The following NCF2 variants were observed in gnomAD, a reference collection of about 807,000 sequenced individuals.
NCF2 encodes the protein neutrophil cytosol factor 2.
A neutral mutation model predicts 70.9 loss-of-function variants in NCF2; 45 were observed. That is an observed-to-expected ratio of 0.63 (90% confidence interval 0.50 to 0.81). The LOEUF (loss-of-function observed/expected upper bound fraction) is 0.81, where lower values mean the gene tolerates loss of function less well. Ranked by LOEUF, NCF2 falls within the 40% of genes least tolerant of loss-of-function variation. NCF2 has a pLI of 0.00. For synonymous variants in NCF2, 203 were observed against 233.6 expected (o/e 0.87, Z 1.19); for missense variants, 522 against 631.6 (o/e 0.83, Z 1.86).
chr1:183,583,949 T>C (rs1399967006), intron 2 of NCF2, among the ~76,000 whole-genome samples: 1 of 152,104 alleles, frequency 6.6e-6, no homozygotes, highest in African/African-American at 2.4e-5. Context: ...GGAAAATCAG[T>C]TTGGAAGTGA....
In NCF2 at chr1:183,574,524, C is replaced by T. The variant is rs1330695554; in HGVS notation, c.464G>A (p.Arg155Lys). The change falls in exon 4 of 15, where the codon AGA becomes AAA. Residue 155 changes from arginine (R) to lysine (K), a missense_variant. Physicochemically the swap from Arg to Lys is conservative, Grantham distance 26. Transcript: ENST00000367535. ...CATCGCCTTGTCGATTTTGGAATGT[C>T]TGGGCTCAGACTTCATGCTCGTGGC... ...ALATSMKSEP[R>K]HSKIDKAMEC... 1 of 1,614,112 alleles carries T rather than the reference C, an allele frequency of 6.2e-7. No individual in the cohort carries two copies. The highest frequency in any genetic ancestry group is 1.7e-5 in the Admixed American group (1 of 60,002).
At chr1:183,562,825 A>AAG (rs1672126528) in intron 13 of NCF2, among the ~76,000 whole-genome samples, 1 of 146,144 alleles carries the variant, frequency 6.8e-6, no homozygotes, top group African/African-American at 2.5e-5. Context: ...CTCCATCTCA[A>AAG]AAAAAAAAAA....
At chr1:183,579,362 G>A (rs560601370) in intron 2 of NCF2, among the ~76,000 whole-genome samples, 4 of 152,236 alleles carry the variant, frequency 2.6e-5, no homozygotes, top group South Asian at 2.1e-4. Flanking sequence ...TCTTGGCTCC[G>A]TCACTTACTA....
Position 183,565,672 on chromosome 1 carries a change from C to G in NCF2, c.1000+32G>C, listed in dbSNP as rs968436402. ...AAGCAGCCTGGCATGCTGCTGCACC[C>G]AGACCTAGGCTGTGGCTCCAGGACC... On this transcript the variant is annotated intron_variant, in intron 10 of 14. Coordinates refer to ENST00000367535, the MANE Select transcript of NCF2 (RefSeq NM_000433.4). The G allele has an allele frequency of 3.7e-6, 6 of 1,606,168 alleles. No individual in the cohort carries two copies. In the East Asian group the frequency reaches 1.3e-4, roughly 36 times the overall value.
At chr1:183,565,810 CT>C in intron 9 of NCF2, 31 bp from the exon 10 acceptor site, 1 of 1,610,970 alleles carries the variant, frequency 6.2e-7, no homozygotes, top group Non-Finnish European at 8.5e-7. Flanking sequence ...CGGTCAGAAC[CT>C]TCATTCAAAG....
At chr1:183,588,590 A>C (rs1162225788) in intron 1 of NCF2, among the ~76,000 whole-genome samples, 1 of 152,016 alleles carries the variant, frequency 6.6e-6, no homozygotes, top group Non-Finnish European at 1.5e-5. Context: ...AATAAATAAT[A>C]AAATTTATTG....
intron 2 of NCF2, among the ~76,000 whole-genome samples, chr1:183,580,025 T>A (rs912882894): frequency 1.3e-5 from 2 of 152,184 alleles, no homozygotes; most frequent in African/African-American, 4.8e-5. Context: ...AACTCTGATC[T>A]CATGGAAGTT....
chr1:183,583,883 T>C (rs1317112704), intron 2 of NCF2, among the ~76,000 whole-genome samples: 1 of 152,188 alleles, frequency 6.6e-6, no homozygotes, highest in Admixed American at 6.5e-5. Context: ...TTTAAATTTT[T>C]TTTTATTTTA....
At chr1:183,585,269 A>C (rs1405434672) in intron 2 of NCF2, among the ~76,000 whole-genome samples, 1 of 152,062 alleles carries the variant, frequency 6.6e-6, no homozygotes, top group East Asian at 1.9e-4. Flanking sequence ...CTGCTGCTCC[A>C]TCCACGCCCG....
intron 7 of NCF2, 141 bp from the exon 8 acceptor site, chr1:183,567,486 G>A: frequency 8.6e-7 from 1 of 1,161,816 alleles, no homozygotes; most frequent in Non-Finnish European, 1.3e-6. Context: ...ATGACACTGA[G>A]CCTGCCTGGG....
chr1:183,565,786 G>A lies in NCF2; in HGVS notation c.925-7C>T, dbSNP rs776843410. On this transcript the variant is annotated splice_polypyrimidine_tract_variant and splice_region_variant and intron_variant, in intron 9 of 14. Coordinates refer to ENST00000367535, the MANE Select transcript of NCF2 (RefSeq NM_000433.4). ...ACTGCGGAGAGCTTTCCTCCTGAAG[G>A]CAACAGGGAGCGACGGTCAGAACCT... The A allele has an allele frequency of 6.2e-7, 1 of 1,613,786 alleles. No individual in the cohort carries two copies. The highest frequency in any genetic ancestry group is 8.5e-7 in the Non-Finnish European group (1 of 1,179,954).
At chr1:183,586,727 G>A (rs558830709) in intron 2 of NCF2, among the ~76,000 whole-genome samples, 168 bp downstream of exon 2, 82 of 152,306 alleles carry the variant, frequency 5.4e-4, no homozygotes, top group African/African-American at 1.9e-3. Flanking sequence ...TCCCCAGTGA[G>A]AGCTTCTGCC....
chr1:183,597,140 C>A, the NCF2 span, among the ~76,000 whole-genome samples: 5 of 152,216 alleles, frequency 3.3e-5, no homozygotes, highest in Admixed American at 3.3e-4. Context: ...ATCTTAGGAA[C>A]TTTCCCTTTT....
intron 3 of NCF2, among the ~76,000 whole-genome samples, chr1:183,577,054 CA>C (rs1672828944): frequency 1.3e-5 from 2 of 152,264 alleles, no homozygotes; most frequent in Non-Finnish European, 2.9e-5. Context: ...GTTCTTTGAG[CA>C]AGAGGGGACA....
At position 183,567,275 on chromosome 1, in the gene NCF2, T is replaced by C. The variant is rs747462402; in HGVS notation, c.784A>G (p.Met262Val). 1.2e-6 allele frequency: 2 copies of C among 1,614,080 alleles called. No homozygotes were observed. Among genetic ancestry groups the C allele is most frequent in the Admixed American group, 1.7e-5 (1 of 60,002 alleles). ...VPETKEELQV[M>V]PGNIVFVLKK... is the part of the protein sequence containing the mutation. ...AAGACAAAGACAATGTTCCCTGGCA[T>C]GACCTGGAGCTCTTCTTTTGTCTCA... Residue 262 changes from methionine (M) to valine (V), a missense_variant, in exon 8 of 15, where the codon ATG (methionine) becomes GTG (valine). Transcript: ENST00000367535.
intron 7 of NCF2, 45 bp from the exon 8 acceptor site, chr1:183,567,390 A>G (rs370075659): frequency 8.1e-6 from 13 of 1,611,594 alleles, no homozygotes; most frequent in Admixed American, 1.7e-5. Flanking sequence ...CCCTCACATG[A>G]TGCCATGGCG....
intron 4 of NCF2, 82 bp downstream of exon 4, chr1:183,574,405 A>G (rs1558098882): frequency 6.3e-7 from 1 of 1,591,880 alleles, no homozygotes; most frequent in Non-Finnish European, 8.6e-7. Context: ...CACCACTTTT[A>G]TGGCTTCTCA....
intron 14 of NCF2, among the ~76,000 whole-genome samples, chr1:183,558,222 T>G (rs977312725): frequency 1.3e-5 from 2 of 152,012 alleles, no homozygotes; most frequent in Admixed American, 6.6e-5. Flanking sequence ...TTGTATACTC[T>G]CTCTACCCCC....
At chr1:183,598,434 T>C in the NCF2 span, among the ~76,000 whole-genome samples, 1 of 151,912 alleles carries the variant, frequency 6.6e-6, no homozygotes, top group Non-Finnish European at 1.5e-5. Context: ...GGGGAGGCAA[T>C]GAGACTCCCC....
Sources: gnomAD v4.1 joint callset for allele counts (sites outside exome capture counted in the v4.1 genomes callset) on GRCh38, gnomAD v4.1.1 for gene constraint, MANE v1.5 for transcripts, NCBI Gene and HGNC (gene_info 2026-07-23, HGNC 2026-07-21) for gene names.